AGMO: variants seen among roughly 807,000 people sequenced by gnomAD.
AGMO encodes alkylglycerol monooxygenase, also known as glyceryl-ether monooxygenase.
Under a neutral mutation model 60.2 loss-of-function variants are expected in AGMO, and 75 were observed. The observed-to-expected ratio is 1.25, with a 90% CI of 1.03 to 1.51. AGMO has a LOEUF of 1.51. Ranked by LOEUF, AGMO falls within the 40% of genes most tolerant of loss-of-function variation. The pLI is 0.00. For synonymous variants in AGMO, 261 were observed against 177.1 expected (o/e 1.47, Z -3.76); for missense variants, 763 against 525.5 (o/e 1.45, Z -4.42).
chr7:15,550,967 C>T (rs1309388470), intron 2 of AGMO, among the ~76,000 whole-genome samples: 1 of 135,270 alleles, frequency 7.4e-6, no homozygotes. Flanking sequence ...AGCTTATCCA[C>T]CATGATCAAG....
At chr7:15,474,789 A>G (rs1454197024) in intron 3 of AGMO, among the ~76,000 whole-genome samples, 9 of 152,154 alleles carry the variant, frequency 5.9e-5, no homozygotes, top group African/African-American at 1.9e-4. Context: ...AATTTTTGCA[A>G]TCTGTCCATC....
At chr7:15,125,280 G>C in the AGMO span, among the ~76,000 whole-genome samples, 2 of 152,024 alleles carry the variant, frequency 1.3e-5, no homozygotes, top group African/African-American at 4.8e-5. Flanking sequence ...GAGCACAGAG[G>C]CTGGAATTGT....
chr7:15,521,182 T>A (rs775342275), intron 3 of AGMO, among the ~76,000 whole-genome samples: 50 of 152,072 alleles, frequency 3.3e-4, no homozygotes, highest in Non-Finnish European at 7.4e-5. Flanking sequence ...AATAACCAGT[T>A]CTGAAATTGA....
chr7:15,399,758 T>C lies in AGMO; in HGVS notation c.610-5579A>G, dbSNP rs78140958. On this transcript the variant is annotated intron_variant, in intron 5 of 12. Coordinates refer to ENST00000342526, the MANE Select transcript of AGMO (RefSeq NM_001004320.2). The stretch of plus-strand genomic sequence containing the variant: ...AGAGGGAGCCATAAGACCGTCGTTA[T>C]GTCATTTCCCCTGACCAAAAATAAA... Among the ~76,000 whole-genome samples the C allele has an allele frequency of 1.2e-4, 19 of 152,308 alleles. No homozygotes were observed. The East Asian group carries it at 2.1e-3, about 17-fold the overall frequency.
intron 12 of AGMO, among the ~76,000 whole-genome samples, chr7:15,323,690 A>C (rs1230071227): frequency 6.6e-6 from 1 of 152,188 alleles, no homozygotes; most frequent in African/African-American, 2.4e-5. Flanking sequence ...TGCCAGAGCA[A>C]AGGGCTATGG....
chr7:15,174,865 T>C, the AGMO span, among the ~76,000 whole-genome samples: 1 of 151,858 alleles, frequency 6.6e-6, no homozygotes, highest in Non-Finnish European at 1.5e-5. Context: ...TCAATCCAAA[T>C]GATAAAAAAA....
the AGMO span, among the ~76,000 whole-genome samples, chr7:15,122,128 G>C: frequency 6.6e-6 from 1 of 152,070 alleles, no homozygotes; most frequent in African/African-American, 2.4e-5. Context: ...GCAACCTACA[G>C]AATGGGAGAA....
chr7:15,357,686 G>C (rs1011213892), intron 12 of AGMO, among the ~76,000 whole-genome samples: 1 of 152,194 alleles, frequency 6.6e-6, no homozygotes, highest in Non-Finnish European at 1.5e-5. Context: ...GCCCACTAGA[G>C]GGTGAGAGGC....
At chr7:15,133,042 G>T in the AGMO span, among the ~76,000 whole-genome samples, 1 of 152,178 alleles carries the variant, frequency 6.6e-6, no homozygotes, top group African/African-American at 2.4e-5. Context: ...TATGAGTCTA[G>T]ATATGGTAAG....
intron 12 of AGMO, among the ~76,000 whole-genome samples, chr7:15,268,449 T>C (rs966481076): frequency 7.2e-5 from 11 of 152,056 alleles, no homozygotes; most frequent in Non-Finnish European, 1.6e-4. Context: ...CTGGCTGTTA[T>C]CAATATTTCA....
chr7:15,346,936 G>A (rs1782055837), intron 12 of AGMO, among the ~76,000 whole-genome samples: 1 of 151,908 alleles, frequency 6.6e-6, no homozygotes, highest in Non-Finnish European at 1.5e-5. Context: ...ACTCTTTGGA[G>A]TGTAAATATA....
chr7:15,316,024 C>G (rs1292116741), intron 12 of AGMO, among the ~76,000 whole-genome samples: 1 of 151,946 alleles, frequency 6.6e-6, no homozygotes, highest in Non-Finnish European at 1.5e-5. Flanking sequence ...GTAATATTAT[C>G]AAGCAGAACA....
the AGMO span, among the ~76,000 whole-genome samples, chr7:15,147,942 C>T: frequency 6.6e-6 from 1 of 152,134 alleles, no homozygotes; most frequent in South Asian, 2.1e-4. Flanking sequence ...ATATGCTTGT[C>T]ATAACTTCAA....
rs553897076 is a variant in AGMO at position 15,251,244 on chromosome 7, A to G, written c.1264-49885T>C. Among the ~76,000 whole-genome samples, 20 of 152,256 alleles carry G rather than the reference A, an allele frequency of 1.3e-4. No homozygotes were observed. The South Asian group carries it at 4.1e-3, about 32-fold the overall frequency. ...CAAATTAAGGAGTATACACATGACC[A>G]ATATGAGCCAATTAGATACCCTCCT... On this transcript the variant is annotated intron_variant, in intron 12 of 12. Coordinates refer to ENST00000342526, the MANE Select transcript of AGMO (RefSeq NM_001004320.2).
Position 15,560,265 on chromosome 7 carries a change from G to T in AGMO, c.133C>A (p.Pro45Thr), listed in dbSNP as rs779685570. The T allele has an allele frequency of 6.2e-7, 1 of 1,611,468 alleles. No homozygotes were observed. The highest frequency in any genetic ancestry group is 1.1e-5 in the South Asian group (1 of 90,922). Reference protein sequence around the residue: ...EVPDYVKKATPFFISLMLLEL... With the variant: ...EVPDYVKKATTFFISLMLLEL... ...AGCAGCATCAAAGAAATGAAAAATG[G>T]AGTTGCCTGGAAAGGAAGTTGCAGA... Residue 45 changes from proline (P) to threonine (T), a missense_variant, in exon 2 of 13, where the codon CCA becomes ACA. Pro to Thr is a conservative substitution (Grantham distance 38). Transcript: ENST00000342526.
intron 3 of AGMO, among the ~76,000 whole-genome samples, chr7:15,536,310 T>C (rs1420999701): frequency 6.6e-6 from 1 of 151,878 alleles, no homozygotes; most frequent in Non-Finnish European, 1.5e-5. Flanking sequence ...TCTACTTTTT[T>C]TTACCACTAT....
rs1782405684 is a variant in AGMO, at chr7:15,354,412, GTGTGTGTATACACACA to G, written c.1263+11086_1263+11101del. On this transcript the variant is annotated intron_variant, in intron 12 of 12. Coordinates refer to ENST00000342526, the MANE Select transcript of AGMO (RefSeq NM_001004320.2). ...TGTGTATACACGTGTGTGTACACAC[GTGTGTGTATACACACA>G]CGTGTGTGTATACACACGTGTGTGT... 2.5e-4 allele frequency among the ~76,000 whole-genome samples: 5 copies of G among 19,816 alleles called. 1 individual carries two copies. In the African/African-American group the frequency reaches 3.8e-3, roughly 15 times the overall value. The allele number at this position is 19,816 out of a possible 152,430, so 13.0% of individuals were successfully genotyped here. A position where few individuals can be genotyped will look rare whatever the true frequency, so the allele number is the denominator to read the frequency against.
At chr7:15,490,355 A>G (rs1783038458) in intron 3 of AGMO, among the ~76,000 whole-genome samples, 1 of 152,108 alleles carries the variant, frequency 6.6e-6, no homozygotes, top group South Asian at 2.1e-4. Flanking sequence ...TGTGCATAAA[A>G]ATCTAAAGAA....
chr7:15,143,967 A>C, the AGMO span, among the ~76,000 whole-genome samples: 1 of 152,198 alleles, frequency 6.6e-6, no homozygotes, highest in Non-Finnish European at 1.5e-5. Context: ...ATACATTTCA[A>C]TAGGAATCTT....
Sources: gnomAD v4.1 joint callset for allele counts (sites outside exome capture counted in the v4.1 genomes callset) on GRCh38, gnomAD v4.1.1 for gene constraint, MANE v1.5 for transcripts, NCBI Gene and HGNC (gene_info 2026-07-23, HGNC 2026-07-21) for gene names.